Variants in NFATC1 observed in about 807,000 individuals in gnomAD.
NFATC1 encodes the protein nuclear factor of activated T-cells, cytoplasmic 1.
NFATC1 carries 22 observed loss-of-function variants against 76.0 expected under a neutral mutation model. The ratio of observed to expected loss-of-function variants is 0.29; its 90% CI spans 0.21 to 0.41. The LOEUF is 0.41. Ranked by LOEUF, NFATC1 falls within the 10% of genes least tolerant of loss-of-function variation. NFATC1 has a pLI of 1.00. For synonymous variants in NFATC1, 704 were observed against 613.1 expected, an observed-to-expected ratio of 1.15 and a Z score of -2.19; for missense variants, 1,357 against 1,337.7, an observed-to-expected ratio of 1.01 and a Z score of -0.23.
chr18:79,443,702 G>A (rs959954990), intron 3 of NFATC1, among the ~76,000 whole-genome samples: 2 of 152,206 alleles, frequency 1.3e-5, no homozygotes, highest in Non-Finnish European at 2.9e-5. Flanking sequence ...TCCTTCTGCC[G>A]ACGGCATCTG....
intron 6 of NFATC1, among the ~76,000 whole-genome samples, chr18:79,452,434 A>G (rs1182049947): frequency 2.0e-5 from 3 of 152,020 alleles, no homozygotes; most frequent in Non-Finnish European, 4.4e-5. Flanking sequence ...CCTCGGAGTG[A>G]TGTTCCTCCT....
At chr18:79,482,351 T>G (rs1380614640) in intron 8 of NFATC1, among the ~76,000 whole-genome samples, 4 of 133,066 alleles carry the variant, frequency 3.0e-5, no homozygotes, top group Non-Finnish European at 3.2e-5. Context: ...GACCTGGTCC[T>G]GGGGTGTCAT....
chr18:79,502,938 C>A (rs1467306804), intron 9 of NFATC1, among the ~76,000 whole-genome samples: 1 of 152,166 alleles, frequency 6.6e-6, no homozygotes, highest in African/African-American at 2.4e-5. Context: ...TTAGAAGAAA[C>A]TTGCCATGTG....
At chr18:79,400,753 A>T (rs2085180441) in intron 1 of NFATC1, among the ~76,000 whole-genome samples, 1 of 38,694 alleles carries the variant, frequency 2.6e-5, no homozygotes, top group Non-Finnish European at 4.7e-5. Flanking sequence ...TGGCGCTGCC[A>T]GAGGCGGAGA....
Position 79,464,648 on chromosome 18 carries a change from TTGTGTGTG to T in NFATC1, c.1960-2786_1960-2779del, listed in dbSNP as rs140357862. 1.7e-4 allele frequency among the ~76,000 whole-genome samples: 23 copies of T among 131,636 alleles called. 2 individuals are homozygous for T. The highest frequency in any genetic ancestry group is 3.2e-4 in the Non-Finnish European group (20 of 62,304). 86.4% of individuals were successfully genotyped at this position (131,636 alleles called of 152,430 possible). On this transcript the variant is annotated intron_variant, in intron 7 of 9. Coordinates refer to ENST00000427363, the MANE Select transcript of NFATC1 (RefSeq NM_001278669.2). ...TACATTATATTGTGGATATATGTGT[TTGTGTGTG>T]TGTGTGTGTGTGTGTATATGTATGT...
At chr18:79,412,182 T>C (rs1218050474) in intron 2 of NFATC1, among the ~76,000 whole-genome samples, 1 of 152,254 alleles carries the variant, frequency 6.6e-6, no homozygotes, top group East Asian at 1.9e-4. Context: ...GCTGCTGGAA[T>C]TCCGCTGGGT....
intron 9 of NFATC1, among the ~76,000 whole-genome samples, chr18:79,519,229 C>G (rs915090181): frequency 1.3e-5 from 2 of 152,252 alleles, no homozygotes; most frequent in African/African-American, 2.4e-5. Flanking sequence ...TTTGGAAAAT[C>G]CTTAGGAATT....
chr18:79,527,598 G>C lies in NFATC1; in HGVS notation c.*21G>C. 6.2e-7 allele frequency: 1 copy of C among 1,611,194 alleles called. No homozygotes were observed. The highest frequency in any genetic ancestry group is 1.1e-5 in the South Asian group (1 of 91,012). ...CCTAGTTGCCACATTGGAGCACTCA[G>C]TTCAGCAGGGGTATGCTGACTTCAG... On this transcript the variant is annotated 3_prime_UTR_variant, in exon 10 of 10. Coordinates refer to ENST00000427363, the MANE Select transcript of NFATC1 (RefSeq NM_001278669.2).
At chr18:79,474,614 C>T (rs1248701214) in intron 8 of NFATC1, among the ~76,000 whole-genome samples, 10 of 146,674 alleles carry the variant, frequency 6.8e-5, no homozygotes, top group African/African-American at 1.5e-4. Context: ...TCACTGTTGA[C>T]GTAAACCTGA....
At chr18:79,518,540 A>C (rs1019461765) in intron 9 of NFATC1, among the ~76,000 whole-genome samples, 4 of 152,180 alleles carry the variant, frequency 2.6e-5, no homozygotes, top group African/African-American at 9.7e-5. Flanking sequence ...AGCACCTGAG[A>C]GGGTGTCCTT....
intron 7 of NFATC1, among the ~76,000 whole-genome samples, chr18:79,464,702 A>ATATATAT (rs1425452711): frequency 1.4e-5 from 1 of 69,314 alleles, no homozygotes; most frequent in Admixed American, 1.3e-4. Flanking sequence ...ATATTTATTT[A>ATATATAT]TTTATTTATT....
intron 9 of NFATC1, chr18:79,515,995 C>G (rs932983273): frequency 7.3e-5 from 11 of 151,440 alleles, no homozygotes; most frequent in Non-Finnish European, 1.6e-4. Context: ...CACGCGCCCG[C>G]ATGCCGTCTC....
At chr18:79,400,138 A>AGGGGGC (rs1360182091) in intron 1 of NFATC1, 20 of 654,414 alleles carry the variant, frequency 3.1e-5, no homozygotes, top group East Asian at 1.3e-4. Flanking sequence ...CGCGCGCGCG[A>AGGGGGC]GGGGGCGGGG....
intron 7 of NFATC1, among the ~76,000 whole-genome samples, chr18:79,463,060 T>G (rs759103146): frequency 3.3e-5 from 5 of 152,228 alleles, no homozygotes; most frequent in Non-Finnish European, 7.3e-5. Flanking sequence ...TCTTCCACCC[T>G]GCGACTTCAG....
intron 9 of NFATC1, among the ~76,000 whole-genome samples, chr18:79,498,732 G>A (rs1304617508): frequency 6.6e-6 from 1 of 152,244 alleles, no homozygotes; most frequent in Non-Finnish European, 1.5e-5. Context: ...AAACCAAACT[G>A]TTGAAAGTCA....
Position 79,407,866 on chromosome 18 carries a change from C to A in NFATC1, c.128-2537C>A, listed in dbSNP as rs150428495. 4.6e-3 allele frequency among the ~76,000 whole-genome samples: 706 copies of A among 152,340 alleles called. 4 individuals carry two copies. Among genetic ancestry groups the A allele is most frequent in the African/African-American group, 0.016 (660 of 41,578 alleles). ...GGGACTGGGGCCTGGCTAGCACCAT[C>A]CCCAAGGCGCTCAGCCTCAGCGGAG... On this transcript the variant is annotated intron_variant, in intron 1 of 9. Coordinates refer to ENST00000427363, the MANE Select transcript of NFATC1 (RefSeq NM_001278669.2).
intron 9 of NFATC1, among the ~76,000 whole-genome samples, chr18:79,510,883 G>A (rs1190844141): frequency 2.0e-5 from 3 of 151,592 alleles, no homozygotes; most frequent in South Asian, 2.1e-4. Flanking sequence ...ATCTTCCGCC[G>A]GGGCATCCTC....
chr18:79,476,275 C>T (rs1192228900), intron 8 of NFATC1, among the ~76,000 whole-genome samples: 10 of 152,362 alleles, frequency 6.6e-5, no homozygotes, highest in South Asian at 6.2e-4. Flanking sequence ...GCTGCTGCCC[C>T]ACCGTGGCTC....
intron 5 of NFATC1, 92 bp from the exon 6 acceptor site, chr18:79,451,584 G>A: frequency 7.3e-7 from 1 of 1,362,572 alleles, no homozygotes; most frequent in Non-Finnish European, 9.5e-7. Flanking sequence ...CTCTGGGTGG[G>A]TCGGCTCACG....
Sources: gnomAD v4.1 joint callset for allele counts (sites outside exome capture counted in the v4.1 genomes callset) on GRCh38, gnomAD v4.1.1 for gene constraint, MANE v1.5 for transcripts, NCBI Gene and HGNC (gene_info 2026-07-23, HGNC 2026-07-21) for gene names.